The following TRPC4 variants were observed in gnomAD, a reference collection of about 807,000 sequenced individuals.
TRPC4 encodes the protein transient receptor potential cation channel subfamily C member 4, also known as short transient receptor potential channel 4.
TRPC4 carries 49 observed loss-of-function variants against 99.4 expected under a neutral mutation model. The ratio of observed to expected loss-of-function variants is 0.49; its 90% confidence interval spans 0.39 to 0.63. TRPC4 has a LOEUF of 0.63. TRPC4 is among the 20% of genes least tolerant of loss of function. The pLI is 0.00. For synonymous variants in TRPC4, 454 were observed against 425.9 expected (o/e 1.07, Z -0.81); for missense variants, 898 against 1,152.9 (o/e 0.78, Z 3.20).
At chr13:37,814,831 T>C (rs1957800382) in intron 1 of TRPC4, among the ~76,000 whole-genome samples, 1 of 151,786 alleles carries the variant, frequency 6.6e-6, no homozygotes, top group Non-Finnish European at 1.5e-5. Flanking sequence ...GACAAGCTGA[T>C]TCTCAAATGT....
intron 1 of TRPC4, among the ~76,000 whole-genome samples, chr13:37,842,772 T>A (rs1384180101): frequency 6.6e-6 from 1 of 152,182 alleles, no homozygotes; most frequent in Non-Finnish European, 1.5e-5. Context: ...GGGTTAAGAT[T>A]TCAGCATATA....
intron 1 of TRPC4, among the ~76,000 whole-genome samples, chr13:37,847,126 T>C (rs1246832349): frequency 1.3e-5 from 2 of 152,024 alleles, no homozygotes; most frequent in African/African-American, 4.8e-5. Context: ...CTTTTAAAAA[T>C]AGAGCATCTA....
At chr13:37,751,038 C>A (rs900492763) in intron 2 of TRPC4, among the ~76,000 whole-genome samples, 19 of 152,096 alleles carry the variant, frequency 1.2e-4, no homozygotes, top group Admixed American at 3.3e-4. Context: ...TTCATAACCC[C>A]TTCAAGAATG....
chr13:37,730,699 A>G (rs571344192), intron 3 of TRPC4, among the ~76,000 whole-genome samples: 1 of 152,176 alleles, frequency 6.6e-6, no homozygotes, highest in African/African-American at 2.4e-5. Flanking sequence ...AGATATTAAA[A>G]TAAACGCCAC....
chr13:37,635,195 A>G lies in TRPC4; in HGVS notation c.*1708T>C, dbSNP rs1026073498. On this transcript the variant is annotated 3_prime_UTR_variant, in exon 11 of 11. Coordinates refer to ENST00000379705, the MANE Select transcript of TRPC4 (RefSeq NM_016179.4). Reference sequence around the variant, plus strand: ...AAGGTATAGGACTTCAGAAGTGGCAATTGTAACCCCTGTATATGCATGTTT... The same window carrying G: ...AAGGTATAGGACTTCAGAAGTGGCAGTTGTAACCCCTGTATATGCATGTTT... 1.3e-5 allele frequency among the ~76,000 whole-genome samples: 2 copies of G among 152,084 alleles called. No homozygotes were observed. Among genetic ancestry groups the G allele is most frequent in the African/African-American group, 4.8e-5 (2 of 41,434 alleles).
chr13:37,699,423 A>G (rs1246399643), intron 3 of TRPC4, among the ~76,000 whole-genome samples: 18 of 152,228 alleles, frequency 1.2e-4, no homozygotes, highest in Admixed American at 1.2e-3. Flanking sequence ...AGGAAATTAC[A>G]TTCAGAAGAT....
rs200386660 is a variant in TRPC4, at chr13:37,745,967, T to A, written c.867A>T (p.Leu289=). 2.9e-5 allele frequency: 46 copies of A among 1,613,488 alleles called. No individual in the cohort carries two copies. Among genetic ancestry groups the A allele is most frequent in the Non-Finnish European group, 5.9e-6 (7 of 1,179,628 alleles). Residue 289 remains leucine, a synonymous_variant, in exon 3 of 11, where the codon CTA becomes CTT. Coordinates refer to ENST00000379705, the MANE Select transcript of TRPC4 (RefSeq NM_016179.4). ...EEQSGNDLAR[L]KLAIKYRQKE... ...TTTGACGGTACTTAATGGCCAATTT[T>A]AGTCTTGCAAGATCATTTCCACTTT...
In TRPC4 at chr13:37,632,656, T is replaced by G. The variant is rs922069627; in HGVS notation, c.*4247A>C. The stretch of plus-strand genomic sequence containing the variant: ...TCTTAGTTCAACTGTACATTGTCCA[T>G]CTCTAATGTTTTTCAGTTGAGAAGC... On this transcript the variant is annotated 3_prime_UTR_variant, in exon 11 of 11. Coordinates refer to ENST00000379705, the MANE Select transcript of TRPC4 (RefSeq NM_016179.4). Among the ~76,000 whole-genome samples, 13 of 152,192 alleles carry G rather than the reference T, an allele frequency of 8.5e-5. No homozygotes were observed. Among genetic ancestry groups the G allele is most frequent in the African/African-American group, 3.1e-4 (13 of 41,456 alleles).
At chr13:37,781,654 G>A (rs770777170) in intron 2 of TRPC4, among the ~76,000 whole-genome samples, 1 of 152,032 alleles carries the variant, frequency 6.6e-6, no homozygotes, top group Non-Finnish European at 1.5e-5. Context: ...AATATAATGA[G>A]AGTAATCCAC....
chr13:37,704,625 G>A (rs1332046645), intron 3 of TRPC4, among the ~76,000 whole-genome samples: 3 of 152,096 alleles, frequency 2.0e-5, no homozygotes, highest in South Asian at 2.1e-4. Context: ...AACAGAGCAA[G>A]ACTCTGTCTC....
At chr13:37,826,874 A>T (rs1179638534) in intron 1 of TRPC4, among the ~76,000 whole-genome samples, 1 of 152,156 alleles carries the variant, frequency 6.6e-6, no homozygotes, top group Non-Finnish European at 1.5e-5. Context: ...GTGTTTTCCA[A>T]CTTGGTTCCA....
At chr13:37,675,862 G>A (rs909302623) in intron 4 of TRPC4, among the ~76,000 whole-genome samples, 1 of 152,114 alleles carries the variant, frequency 6.6e-6, no homozygotes, top group Non-Finnish European at 1.5e-5. Context: ...AAACACCAGG[G>A]AACAATCAGC....
In TRPC4 at chr13:37,823,977, A is replaced by C. The variant is rs186782627; in HGVS notation, c.-27-40617T>G. On this transcript the variant is annotated intron_variant, in intron 1 of 10. Transcript: ENST00000379705. ...CAGTGGTTTGTAGTTCTCCTTGAAG[A>C]GGTCCTTCACATCGTTTGTAAGTTG... 1.8e-3 allele frequency among the ~76,000 whole-genome samples: 249 copies of C among 140,958 alleles called. 3 individuals are homozygous for C. The highest frequency in any genetic ancestry group is 6.3e-3 in the African/African-American group (236 of 37,438). The allele number at this position is 140,958 out of a possible 152,430, so 92.5% of individuals were successfully genotyped here. A position where few individuals can be genotyped will look rare whatever the true frequency, so the allele number is the denominator to read the frequency against.
At chr13:37,706,224 G>A (rs1954270754) in intron 3 of TRPC4, among the ~76,000 whole-genome samples, 2 of 152,268 alleles carry the variant, frequency 1.3e-5, no homozygotes, top group Admixed American at 6.5e-5. Context: ...AGGCTTATGG[G>A]TTTATTTAGT....
At chr13:37,662,586 A>G (rs1292993167) in intron 6 of TRPC4, among the ~76,000 whole-genome samples, 2 of 152,218 alleles carry the variant, frequency 1.3e-5, no homozygotes, top group Admixed American at 6.5e-5. Flanking sequence ...ACAAGATTCT[A>G]TGATGGCTCA....
chr13:37,779,083 T>C (rs2139330217), intron 2 of TRPC4, among the ~76,000 whole-genome samples: 1 of 152,184 alleles, frequency 6.6e-6, no homozygotes, highest in East Asian at 1.9e-4. Flanking sequence ...ATGCTAAAGA[T>C]TGACAACCAC....
intron 8 of TRPC4, among the ~76,000 whole-genome samples, chr13:37,643,915 T>C (rs1049270114): frequency 1.3e-5 from 2 of 152,180 alleles, no homozygotes; most frequent in Non-Finnish European, 1.5e-5. Context: ...ATGGTGTTTT[T>C]CTTGGGTCTC....
At chr13:37,801,749 T>C (rs12583028) in intron 1 of TRPC4, among the ~76,000 whole-genome samples, 27,495 of 152,000 alleles carry the variant, frequency 0.18, 2,603 homozygotes, top group Non-Finnish European at 0.2. Flanking sequence ...TCGAGCATAA[T>C]ATCATCAATA....
chr13:37,733,844 A>T (rs1040864702), intron 3 of TRPC4, among the ~76,000 whole-genome samples: 11 of 152,210 alleles, frequency 7.2e-5, no homozygotes, highest in Admixed American at 2.6e-4. Context: ...ATAAATAAAC[A>T]CACAAATAAA....
Sources: gnomAD v4.1 joint callset for allele counts (sites outside exome capture counted in the v4.1 genomes callset) on GRCh38, gnomAD v4.1.1 for gene constraint, MANE v1.5 for transcripts, NCBI Gene and HGNC (gene_info 2026-07-23, HGNC 2026-07-21) for gene names.